The following PRKCB variants were observed in gnomAD, a reference collection of about 807,000 sequenced individuals.
PRKCB encodes protein kinase C beta.
A neutral mutation model predicts 81.5 loss-of-function variants in PRKCB; 13 were observed. That is an observed-to-expected ratio of 0.16 (90% CI 0.10 to 0.25). The LOEUF is 0.25. Ranked by LOEUF, PRKCB falls within the 10% of genes least tolerant of loss-of-function variation. PRKCB has a pLI of 1.00. For synonymous variants in PRKCB, 335 were observed against 321.4 expected, an observed-to-expected ratio of 1.04 and a Z score of -0.45; for missense variants, 509 against 875.7, an observed-to-expected ratio of 0.58 and a Z score of 5.29.
At chr16:24,148,907 T>C (rs889993574) in intron 9 of PRKCB, among the ~76,000 whole-genome samples, 1 of 152,244 alleles carries the variant, frequency 6.6e-6, no homozygotes, top group African/African-American at 2.4e-5. Flanking sequence ...AAATCTGTTC[T>C]AGTTATCTAT....
intron 3 of PRKCB, among the ~76,000 whole-genome samples, chr16:24,003,761 T>C (rs956142642): frequency 6.6e-6 from 1 of 152,206 alleles, no homozygotes; most frequent in East Asian, 1.9e-4. Flanking sequence ...GAACGAACTC[T>C]TATAACCTCA....
intron 16 of PRKCB, among the ~76,000 whole-genome samples, chr16:24,211,908 T>C (rs1968144404): frequency 6.6e-6 from 1 of 152,172 alleles, no homozygotes; most frequent in African/African-American, 2.4e-5. Flanking sequence ...GCAGAGGCTC[T>C]TGGAGACCTA....
intron 2 of PRKCB, among the ~76,000 whole-genome samples, chr16:23,904,342 G>T (rs932896678): frequency 6.6e-6 from 1 of 152,170 alleles, no homozygotes; most frequent in Non-Finnish European, 1.5e-5. Context: ...GTTGTTGAAA[G>T]AATTAAATAT....
intron 9 of PRKCB, among the ~76,000 whole-genome samples, chr16:24,143,757 T>C (rs1223424056): frequency 2.0e-5 from 3 of 152,206 alleles, no homozygotes; most frequent in Non-Finnish European, 4.4e-5. Flanking sequence ...ATTTAGTGTG[T>C]GGGGACCTAA....
chr16:24,000,307 G>T (rs1792520838), intron 3 of PRKCB, among the ~76,000 whole-genome samples: 1 of 152,162 alleles, frequency 6.6e-6, no homozygotes, highest in African/African-American at 2.4e-5. Context: ...TCAAAAGAAT[G>T]CACCTAATTT....
At chr16:23,880,299 A>G (rs1214187278) in intron 2 of PRKCB, among the ~76,000 whole-genome samples, 2 of 152,158 alleles carry the variant, frequency 1.3e-5, no homozygotes, top group East Asian at 1.9e-4. Context: ...GGGGAAAATG[A>G]GCTTTGAGAA....
intron 2 of PRKCB, among the ~76,000 whole-genome samples, chr16:23,976,303 A>G (rs557772083): frequency 2.2e-4 from 33 of 152,156 alleles, no homozygotes; most frequent in Middle Eastern, 3.4e-3. Flanking sequence ...GTCTCAAAAA[A>G]ACCCACAAAA....
At chr16:23,892,349 C>T (rs1480286520) in intron 2 of PRKCB, among the ~76,000 whole-genome samples, 2 of 152,178 alleles carry the variant, frequency 1.3e-5, no homozygotes, top group Admixed American at 6.5e-5. Context: ...ATCTCCATTG[C>T]TTCAGGATGC....
At chr16:23,950,938 G>C (rs931552434) in intron 2 of PRKCB, among the ~76,000 whole-genome samples, 3 of 152,122 alleles carry the variant, frequency 2.0e-5, no homozygotes, top group Admixed American at 1.3e-4. Context: ...CATCAATGGG[G>C]TACTCTATTC....
intron 2 of PRKCB, among the ~76,000 whole-genome samples, chr16:23,899,271 T>C (rs1376509702): frequency 2.0e-5 from 3 of 152,192 alleles, no homozygotes; most frequent in Admixed American, 1.3e-4. Context: ...ATTTGCAACA[T>C]TGGTTGGCAT....
intron 5 of PRKCB, among the ~76,000 whole-genome samples, chr16:24,040,119 C>T (rs776800264): frequency 6.6e-6 from 1 of 152,194 alleles, no homozygotes; most frequent in Non-Finnish European, 1.5e-5. Context: ...TCTAACTTGC[C>T]TGGCTACTGA....
At chr16:24,071,459 A>G (rs1188401489) in intron 5 of PRKCB, among the ~76,000 whole-genome samples, 3 of 148,036 alleles carry the variant, frequency 2.0e-5, no homozygotes, top group Non-Finnish European at 4.5e-5. Flanking sequence ...AAAAAAAAAA[A>G]AAAGACAAAC....
At chr16:24,051,571 G>C (rs1374059350) in intron 5 of PRKCB, among the ~76,000 whole-genome samples, 1 of 152,112 alleles carries the variant, frequency 6.6e-6, no homozygotes, top group Non-Finnish European at 1.5e-5. Context: ...AGACACCAAA[G>C]CATCAGAAAT....
At position 24,183,909 on chromosome 16, in the gene PRKCB, G is replaced by A. The variant is rs1350544623; in HGVS notation, c.1534-1202G>A. Among the ~76,000 whole-genome samples the A allele has an allele frequency of 2.0e-5, 3 of 152,296 alleles. No individual in the cohort carries two copies. The East Asian group carries it at 5.8e-4, about 29-fold the overall frequency. ...TTCTAGACTTTTCCATGTTCTTGCA[G>A]TTTGGGAATATGAATTAAAAACTTC... is the stretch of plus-strand genomic sequence containing the variant. On this transcript the variant is annotated intron_variant, in intron 13 of 16. Coordinates refer to ENST00000643927, the MANE Select transcript of PRKCB (RefSeq NM_002738.7).
intron 3 of PRKCB, among the ~76,000 whole-genome samples, chr16:24,027,744 A>T (rs1965500250): frequency 6.6e-6 from 1 of 152,204 alleles, no homozygotes; most frequent in African/African-American, 2.4e-5. Context: ...GTTTATTGAG[A>T]CATACGTTTC....
At chr16:24,174,673 C>T (rs1967500981) in intron 12 of PRKCB, 93 bp downstream of exon 12, 6 of 1,223,352 alleles carry the variant, frequency 4.9e-6, no homozygotes, top group East Asian at 4.7e-5. Flanking sequence ...AATTAGAATC[C>T]GCGGTGGGGG....
chr16:24,204,275 C>T (rs1968009103), intron 16 of PRKCB, among the ~76,000 whole-genome samples: 1 of 152,168 alleles, frequency 6.6e-6, no homozygotes, highest in Admixed American at 6.5e-5. Flanking sequence ...GATTGGTACC[C>T]AGGTTAGCTT....
At chr16:24,020,490 TG>T (rs1183208928) in intron 3 of PRKCB, among the ~76,000 whole-genome samples, 1 of 152,164 alleles carries the variant, frequency 6.6e-6, no homozygotes, top group Non-Finnish European at 1.5e-5. Context: ...AATGTTGCCA[TG>T]ATGATTTTTT....
intron 3 of PRKCB, among the ~76,000 whole-genome samples, chr16:24,006,872 C>T (rs1318971929): frequency 1.3e-5 from 2 of 152,112 alleles, no homozygotes; most frequent in Admixed American, 6.6e-5. Context: ...AGATGTTGCG[C>T]CAATTGGAAC....
Sources: gnomAD v4.1 joint callset for allele counts (sites outside exome capture counted in the v4.1 genomes callset) on GRCh38, gnomAD v4.1.1 for gene constraint, MANE v1.5 for transcripts, NCBI Gene and HGNC (gene_info 2026-07-23, HGNC 2026-07-21) for gene names.